The following ANGPT1 variants were observed in gnomAD, a reference collection of about 807,000 sequenced individuals.
The protein encoded by ANGPT1 is angiopoietin-1.
Under a neutral mutation model 62.2 loss-of-function variants are expected in ANGPT1, and 17 were observed. That is an observed-to-expected ratio of 0.27 (90% CI 0.19 to 0.41). The LOEUF is 0.41. ANGPT1 is among the 10% of genes least tolerant of loss of function. The pLI, the probability that ANGPT1 is intolerant of heterozygous loss-of-function variation, is 1.00. For synonymous variants in ANGPT1, 199 were observed against 198.9 expected (o/e 1.00, Z 0.00); for missense variants, 478 against 594.9 (o/e 0.80, Z 2.04).
intron 7 of ANGPT1, among the ~76,000 whole-genome samples, chr8:107,281,258 G>A (rs923878700): frequency 2.6e-5 from 4 of 151,936 alleles, no homozygotes; most frequent in Non-Finnish European, 5.9e-5. Context: ...GACCACACCT[G>A]TTACAAGAAT....
At chr8:107,494,150 A>G (rs1218164599) in intron 1 of ANGPT1, among the ~76,000 whole-genome samples, 1 of 152,224 alleles carries the variant, frequency 6.6e-6, no homozygotes, top group East Asian at 1.9e-4. Flanking sequence ...ATTTGGCAAA[A>G]GCAAAACAGA....
chr8:107,405,125 C>G (rs930235), intron 1 of ANGPT1, among the ~76,000 whole-genome samples: 10,482 of 151,678 alleles, frequency 0.069, 894 homozygotes, highest in East Asian at 0.48. Context: ...AAGAAAAAAT[C>G]ACCTACAATT....
At chr8:107,478,065 T>C (rs926235005) in intron 1 of ANGPT1, among the ~76,000 whole-genome samples, 7 of 109,592 alleles carry the variant, frequency 6.4e-5, no homozygotes, top group African/African-American at 1.5e-4. Flanking sequence ...TTTCTCCTGT[T>C]TTTTTTTTTT....
At chr8:107,431,534 G>T (rs1454341799) in intron 1 of ANGPT1, among the ~76,000 whole-genome samples, 1 of 152,084 alleles carries the variant, frequency 6.6e-6, no homozygotes, top group African/African-American at 2.4e-5. Context: ...CCTTGCACAG[G>T]CCACATGCCC....
At chr8:107,462,374 A>C (rs973566923) in intron 1 of ANGPT1, among the ~76,000 whole-genome samples, 4 of 151,784 alleles carry the variant, frequency 2.6e-5, no homozygotes, top group Middle Eastern at 6.8e-3. Context: ...GTCAATATGA[A>C]CTAGACAATT....
chr8:107,325,152 C>G (rs1324517540), intron 3 of ANGPT1, among the ~76,000 whole-genome samples: 1 of 152,156 alleles, frequency 6.6e-6, no homozygotes, highest in Non-Finnish European at 1.5e-5. Flanking sequence ...AAACAAAAAA[C>G]TTCTTCACTA....
At chr8:107,347,920 A>T (rs1185504599) in intron 1 of ANGPT1, among the ~76,000 whole-genome samples, 3 of 152,174 alleles carry the variant, frequency 2.0e-5, no homozygotes, top group African/African-American at 7.2e-5. Flanking sequence ...TCATTAAGTG[A>T]CTTACTGCAA....
chr8:107,320,394 A>C (rs991011768), intron 4 of ANGPT1, among the ~76,000 whole-genome samples: 1 of 152,164 alleles, frequency 6.6e-6, no homozygotes, highest in Non-Finnish European at 1.5e-5. Context: ...TGAAATAAAA[A>C]CCACTATTCC....
intron 2 of ANGPT1, among the ~76,000 whole-genome samples, chr8:107,342,739 A>G (rs1442540129): frequency 2.0e-5 from 3 of 151,474 alleles, no homozygotes; most frequent in Non-Finnish European, 4.4e-5. Flanking sequence ...ATTTCAGTTA[A>G]AAGATTCATG....
intron 7 of ANGPT1, among the ~76,000 whole-genome samples, chr8:107,283,055 T>C (rs906157133): frequency 1.3e-5 from 2 of 151,796 alleles, no homozygotes; most frequent in Non-Finnish European, 2.9e-5. Flanking sequence ...CTGAGAGACA[T>C]TTTGGAAAGG....
chr8:107,388,063 G>A (rs967408081), intron 1 of ANGPT1, among the ~76,000 whole-genome samples: 1 of 151,554 alleles, frequency 6.6e-6, no homozygotes, highest in South Asian at 2.1e-4. Context: ...TTTATAATGA[G>A]ATGAAAATTT....
rs1563590981 is a variant in ANGPT1, at chr8:107,370,365, A to AAAG, written c.298-23271_298-23269dup. Among the ~76,000 whole-genome samples the AAAG allele has an allele frequency of 6.4e-4, 21 of 32,572 alleles. 2 individuals carry two copies. The highest frequency in any genetic ancestry group is 3.6e-3 in the Admixed American group (7 of 1,920). The allele number at this position is 32,572 out of a possible 152,430, so 21.4% of individuals were successfully genotyped here. Reference sequence around the variant, plus strand: ...AAAAGAAAGAAAGAAAGAAAGAAAGAAAGAAAGAAAGAAAGAAAGAAAGAA... The same window carrying AAAG: ...AAAAGAAAGAAAGAAAGAAAGAAAGAAAGAAGAAAGAAAGAAAGAAAGAAAGAA... On this transcript the variant is annotated intron_variant, in intron 1 of 8. Transcript: ENST00000517746.
chr8:107,254,829 T>C (rs1813321544), intron 8 of ANGPT1, among the ~76,000 whole-genome samples: 2 of 152,128 alleles, frequency 1.3e-5, no homozygotes, highest in African/African-American at 4.8e-5. Flanking sequence ...TGCTTGTCCA[T>C]GATCAGGCAA....
At chr8:107,324,215 A>ATGTATATATATGTGTGTG (rs1554582627) in intron 3 of ANGPT1, among the ~76,000 whole-genome samples, 1 of 144,772 alleles carries the variant, frequency 6.9e-6, no homozygotes, top group Non-Finnish European at 1.5e-5. Context: ...GTATATATAT[A>ATGTATATATATGTGTGTG]TGTGTGTGTG....
chr8:107,342,480 C>T (rs73701102), intron 2 of ANGPT1, among the ~76,000 whole-genome samples: 43 of 152,228 alleles, frequency 2.8e-4, no homozygotes, highest in African/African-American at 1.0e-3. Flanking sequence ...GCCAAATGGT[C>T]TCTTGTGTAA....
intron 5 of ANGPT1, among the ~76,000 whole-genome samples, chr8:107,300,350 GC>G (rs1184988032): frequency 6.6e-6 from 1 of 151,296 alleles, no homozygotes; most frequent in Non-Finnish European, 1.5e-5. Flanking sequence ...TTTTTTACCT[GC>G]AAAAATGTGT....
intron 6 of ANGPT1, among the ~76,000 whole-genome samples, chr8:107,289,508 C>T (rs926480504): frequency 2.0e-5 from 3 of 152,116 alleles, no homozygotes; most frequent in African/African-American, 7.2e-5. Flanking sequence ...TAAGACAGCG[C>T]TGTGGCTTTC....
chr8:107,423,933 T>A (rs1056733751), intron 1 of ANGPT1, among the ~76,000 whole-genome samples: 6 of 143,976 alleles, frequency 4.2e-5, no homozygotes, highest in African/African-American at 1.5e-4. Context: ...CTTTGCCTCC[T>A]GGGTTCAAGC....
intron 2 of ANGPT1, among the ~76,000 whole-genome samples, chr8:107,342,081 A>G (rs1815707485): frequency 6.6e-6 from 1 of 152,132 alleles, no homozygotes. Flanking sequence ...AAACAAACAA[A>G]AAAACCCAAA....
Sources: allele counts gnomAD v4.1 joint callset (sites outside exome capture counted in the v4.1 genomes callset), GRCh38; gene constraint gnomAD v4.1.1; transcripts MANE v1.5; gene names NCBI Gene and HGNC (gene_info 2026-07-23, HGNC 2026-07-21).